SPEN: variants seen among roughly 807,000 people sequenced by gnomAD.
The protein encoded by SPEN is msx2-interacting protein.
In SPEN, 18 loss-of-function variants were observed where a neutral mutation model predicts 269.9. The observed-to-expected ratio is 0.07, with a 90% CI of 0.05 to 0.10. The LOEUF (loss-of-function observed/expected upper bound fraction) is 0.10, where lower values mean the gene tolerates loss of function less well. SPEN is among the 10% of genes least tolerant of loss of function. SPEN has a pLI of 1.00. For synonymous variants in SPEN, 1,726 were observed against 1,765.7 expected, an observed-to-expected ratio of 0.98 and a Z score of 0.56; for missense variants, 3,822 against 4,631.2, an observed-to-expected ratio of 0.83 and a Z score of 5.07.
At chr1:15,914,170 T>A in intron 5 of SPEN, among the ~76,000 whole-genome samples, 1 of 152,172 alleles carries the variant, frequency 6.6e-6, no homozygotes, top group Admixed American at 6.5e-5. Context: ...CATCATAGTC[T>A]GATTGATCGA....
At position 15,928,777 on chromosome 1, in the gene SPEN, A is replaced by G; in HGVS notation, c.2537A>G (p.Gln846Arg). ...ACGGACCAAGAAAATGAGCGAGAGC[A>G]AAGCCCTGAAAAGCCCAGGAGTTGT... ...SETDQENERE[Q>R]SPEKPRSCNK... Residue 846 changes from glutamine to arginine, a missense_variant, in exon 11 of 15, where the codon CAA (glutamine) becomes CGA (arginine). By Grantham distance (43) the Gln-to-Arg change is conservative. This residue lies in a region of SPEN where 572 missense variants were observed against 582.6 expected (regional missense o/e 0.98). Coordinates refer to ENST00000375759, the MANE Select transcript of SPEN (RefSeq NM_015001.3). The surrounding 1 kb of genome is among the most constrained non-coding windows in gnomAD (Gnocchi z 5.7). 1 of 1,614,184 alleles carries G rather than the reference A, an allele frequency of 6.2e-7. No individual in the cohort carries two copies. The highest frequency in any genetic ancestry group is 8.5e-7 in the Non-Finnish European group (1 of 1,180,038).
chr1:15,864,167 C>T (rs1569976703), intron 1 of SPEN, among the ~76,000 whole-genome samples: 1 of 148,626 alleles, frequency 6.7e-6, no homozygotes. Flanking sequence ...ATAGTGGTTG[C>T]TTTTTTTTTT....
At chr1:15,924,448 T>C (rs998721592) in intron 10 of SPEN, among the ~76,000 whole-genome samples, 1 of 152,166 alleles carries the variant, frequency 6.6e-6, no homozygotes, top group African/African-American at 2.4e-5. Context: ...TGTATATTAC[T>C]ACTTAAAATC....
intron 1 of SPEN, among the ~76,000 whole-genome samples, chr1:15,853,800 C>G (rs1002172142): frequency 6.6e-6 from 1 of 152,102 alleles, no homozygotes; most frequent in Non-Finnish European, 1.5e-5. Flanking sequence ...TCCCGAGTAG[C>G]TGGGATTACA....
In SPEN at chr1:15,922,287, T is replaced by C; in HGVS notation, c.1788T>C (p.Tyr596=). 2 of 1,606,388 alleles carry C rather than the reference T, an allele frequency of 1.2e-6. No individual in the cohort carries two copies. Among genetic ancestry groups the C allele is most frequent in the South Asian group, 2.3e-5 (2 of 88,282 alleles). The change falls in exon 10 of 15, where the codon TAT becomes TAC. Residue 596 remains tyrosine (Y), a synonymous_variant. Coordinates refer to ENST00000375759, the MANE Select transcript of SPEN (RefSeq NM_015001.3). ...FANRESQLAF[Y]HCMEKSGQDI... Reference sequence around the variant, plus strand: ...ATCGGGAAAGTCAGCTGGCTTTTTATCACTGCATGGAGAAATCTGGTCAAG... The same window carrying C: ...ATCGGGAAAGTCAGCTGGCTTTTTACCACTGCATGGAGAAATCTGGTCAAG...
intron 5 of SPEN, among the ~76,000 whole-genome samples, chr1:15,914,689 T>TG (rs1189283941): frequency 1.3e-5 from 2 of 152,066 alleles, no homozygotes; most frequent in Admixed American, 1.3e-4. Flanking sequence ...CCAGGCATGA[T>TG]GGCGGGCACC....
At chr1:15,900,427 T>C (rs1424962007) in intron 3 of SPEN, among the ~76,000 whole-genome samples, 1 of 152,252 alleles carries the variant, frequency 6.6e-6, no homozygotes, top group East Asian at 1.9e-4. Flanking sequence ...ATATTTTACT[T>C]ACTACTTGTT....
rs191083929 is a variant in SPEN, at chr1:15,897,705, G to A, written c.882-11616G>A. On this transcript the variant is annotated intron_variant, in intron 3 of 14. Coordinates refer to ENST00000375759, the MANE Select transcript of SPEN (RefSeq NM_015001.3). The stretch of plus-strand genomic sequence containing the variant: ...GTAGAGATGGAGTTTCACCATATTG[G>A]TCAGGATGGTCTCAAACTCCTGACC... Among the ~76,000 whole-genome samples, 285 of 151,878 alleles carry A rather than the reference G, an allele frequency of 1.9e-3. 1 individual carries two copies. Among genetic ancestry groups the A allele is most frequent in the Non-Finnish European group, 2.9e-3 (198 of 67,962 alleles).
At chr1:15,894,987 A>G (rs1406277248) in intron 3 of SPEN, among the ~76,000 whole-genome samples, 4 of 152,222 alleles carry the variant, frequency 2.6e-5, no homozygotes, top group South Asian at 2.1e-4. Flanking sequence ...CAGTGGCGCG[A>G]TCTTGGCTCA....
intron 10 of SPEN, among the ~76,000 whole-genome samples, chr1:15,924,441 A>G (rs1405871022): frequency 1.3e-5 from 2 of 152,120 alleles, no homozygotes; most frequent in East Asian, 3.9e-4. Context: ...TACTTTTTGT[A>G]TATTACTACT....
At chr1:15,860,295 G>C (rs1295059240) in intron 1 of SPEN, among the ~76,000 whole-genome samples, 1 of 151,694 alleles carries the variant, frequency 6.6e-6, no homozygotes, top group African/African-American at 2.4e-5. Context: ...GGAGGGGAGT[G>C]GTATAATCCC....
Position 15,935,168 on chromosome 1 carries a change from C to A in SPEN, c.8928C>A (p.Ala2976=), listed in dbSNP as rs531551381. The change falls in exon 11 of 15, where the codon GCC becomes GCA. Residue 2976 remains alanine, a synonymous_variant. Transcript: ENST00000375759. The surrounding 1 kb of genome is among the most constrained non-coding windows in gnomAD (Gnocchi z 7.7). Reference sequence around the variant, plus strand: ...TCGAGACCAAGGTCCTTCAGCCGGCCAACCTGGGGTCCACGCTCACGCCCC... The same window carrying A: ...TCGAGACCAAGGTCCTTCAGCCGGCAAACCTGGGGTCCACGCTCACGCCCC... ...LKIETKVLQP[A]NLGSTLTPHH... is the part of the protein sequence containing the mutation. 6.2e-7 allele frequency: 1 copy of A among 1,614,038 alleles called. No homozygotes were observed. Among genetic ancestry groups the A allele is most frequent in the Non-Finnish European group, 8.5e-7 (1 of 1,179,944 alleles).
chr1:15,933,140 A>G lies in SPEN; in HGVS notation c.6900A>G (p.Glu2300=), dbSNP rs149908909. The change falls in exon 11 of 15, where the codon GAA becomes GAG. Residue 2300 remains glutamate (E), a synonymous_variant. Coordinates refer to ENST00000375759, the MANE Select transcript of SPEN (RefSeq NM_015001.3). This position sits in a 1 kb window ranked among gnomAD's most constrained non-coding sequence, Gnocchi z 5.7. ...DPSAGPTDTK[E]ARGNSSETSH... ...CAGCCGGCCCAACAGATACCAAGGAAGCCAGAGGAAATAGCAGTGAAACCT... is the reference window on the plus strand; with the variant it reads ...CAGCCGGCCCAACAGATACCAAGGAGGCCAGAGGAAATAGCAGTGAAACCT... 1.9e-6 allele frequency: 3 copies of G among 1,614,158 alleles called. No individual in the cohort carries two copies. The highest frequency in any genetic ancestry group is 2.5e-6 in the Non-Finnish European group (3 of 1,180,032).
At chr1:15,901,369 G>A (rs552256844) in intron 3 of SPEN, among the ~76,000 whole-genome samples, 50 of 151,556 alleles carry the variant, frequency 3.3e-4, no homozygotes, top group Non-Finnish European at 4.7e-4. Context: ...TAGGCTGGGC[G>A]TGGTGGCTCA....
intron 3 of SPEN, among the ~76,000 whole-genome samples, chr1:15,904,337 C>G (rs1300822700): frequency 6.6e-6 from 1 of 151,388 alleles, no homozygotes; most frequent in Non-Finnish European, 1.5e-5. Context: ...ATCACCTGGG[C>G]CTGGCGGCCA....
chr1:15,849,326 AAT>A (rs1452909421), intron 1 of SPEN, among the ~76,000 whole-genome samples: 1 of 152,258 alleles, frequency 6.6e-6, no homozygotes, highest in Non-Finnish European at 1.5e-5. Flanking sequence ...CCATGGGAAA[AAT>A]AGATTGCGTC....
At position 15,933,188 on chromosome 1, in the gene SPEN, A is replaced by G. The variant is rs2071239362; in HGVS notation, c.6948A>G (p.Lys2316=). ...CCTCACACTCAGTGCCAGAAGCCAA[A>G]GGGTCTAAAGAAGTGGAAGTCACTC... ...SETSHSVPEA[K]GSKEVEVTLV... is the part of the protein sequence containing the mutation. The change falls in exon 11 of 15, where the codon AAA becomes AAG. Residue 2316 remains lysine (K), a synonymous_variant. Transcript: ENST00000375759. The surrounding 1 kb of genome is among the most constrained non-coding windows in gnomAD (Gnocchi z 5.7). The G allele has an allele frequency of 5.0e-6, 8 of 1,614,222 alleles. No individual in the cohort carries two copies. Among genetic ancestry groups the G allele is most frequent in the Non-Finnish European group, 6.8e-6 (8 of 1,180,040 alleles).
chr1:15,910,720 A>C (rs2071004312), intron 4 of SPEN, among the ~76,000 whole-genome samples: 1 of 152,060 alleles, frequency 6.6e-6, no homozygotes, highest in African/African-American at 2.4e-5. Flanking sequence ...ATAATATATA[A>C]GGGCATTTTT....
intron 5 of SPEN, among the ~76,000 whole-genome samples, chr1:15,911,941 A>G (rs2071016143): frequency 6.6e-6 from 1 of 152,378 alleles, no homozygotes; most frequent in African/African-American, 2.4e-5. Flanking sequence ...AGCCTGGGCA[A>G]CAGAGCAAGA....
Sources: allele counts gnomAD v4.1 joint callset (sites outside exome capture counted in the v4.1 genomes callset), GRCh38; gene constraint gnomAD v4.1.1; regional missense constraint gnomAD v4.1.1; non-coding constraint Gnocchi (gnomAD v3.1); transcripts MANE v1.5; gene names NCBI Gene and HGNC (gene_info 2026-07-23, HGNC 2026-07-21).